LSMEM1: variants seen among roughly 807,000 people sequenced by gnomAD.
The protein encoded by LSMEM1 is leucine-rich single-pass membrane protein 1.
In LSMEM1, 10 loss-of-function variants were observed where a neutral mutation model predicts 11.3. The observed-to-expected ratio is 0.89, with a 90% CI of 0.55 to 1.50. The LOEUF is 1.50. LSMEM1 is among the 40% of genes most tolerant of loss of function. The pLI is 0.00. For synonymous variants in LSMEM1, 65 were observed against 59.3 expected, an observed-to-expected ratio of 1.10 and a Z score of -0.44; for missense variants, 151 against 152.9, an observed-to-expected ratio of 0.99 and a Z score of 0.06.
intron 1 of LSMEM1, among the ~76,000 whole-genome samples, chr7:112,482,961 A>G (rs546983125): frequency 1.3e-5 from 2 of 152,298 alleles, no homozygotes; most frequent in African/African-American, 4.8e-5. Context: ...AAAAATTTTT[A>G]GTCCATGACT....
rs530350952 is a variant in LSMEM1, at chr7:112,490,174, A to G, written c.*225A>G. ...GGTGAACTTGTCTCAGCCCCCTTTTATGGTAGGGCACTTCAACTTTAATGG... is the reference window on the plus strand; with the variant it reads ...GGTGAACTTGTCTCAGCCCCCTTTTGTGGTAGGGCACTTCAACTTTAATGG... On this transcript the variant is annotated 3_prime_UTR_variant, in exon 4 of 4. Coordinates refer to ENST00000312849, the MANE Select transcript of LSMEM1 (RefSeq NM_182597.3). The G allele has an allele frequency of 6.9e-4, 304 of 439,928 alleles. 1 individual carries two copies. The highest frequency in any genetic ancestry group is 5.5e-3 in the African/African-American group (275 of 50,218). 27.3% of individuals were successfully genotyped at this position (439,928 alleles called of 1,614,324 possible).
In LSMEM1 at chr7:112,481,026, CAG is replaced by C. The variant is rs1238912952; in HGVS notation, c.-325_-324del. The C allele has an allele frequency of 8.2e-6, 3 of 365,780 alleles. No homozygotes were observed. The highest frequency in any genetic ancestry group is 1.6e-5 in the Non-Finnish European group (3 of 186,630). The allele number at this position is 365,780 out of a possible 1,614,324, so 22.7% of individuals were successfully genotyped here. On this transcript the variant is annotated 5_prime_UTR_variant, in exon 1 of 4. Coordinates refer to ENST00000312849, the MANE Select transcript of LSMEM1 (RefSeq NM_182597.3). Reference sequence around the variant, plus strand: ...AAACCTCATCAGTTACCAACTAAATCAGGGCATGGTGTTTTTTTGTTGTTTTC... The same window carrying C: ...AAACCTCATCAGTTACCAACTAAATCGGCATGGTGTTTTTTTGTTGTTTTC...
chr7:112,482,864 C>T (rs1412382922), intron 1 of LSMEM1, among the ~76,000 whole-genome samples: 1 of 151,932 alleles, frequency 6.6e-6, no homozygotes, highest in Non-Finnish European at 1.5e-5. Flanking sequence ...ATGGTAGTAT[C>T]TTATCTGAAA....
At chr7:112,485,031 T>TGGGGGGGGGG in intron 2 of LSMEM1, 88 bp downstream of exon 2, 2 of 1,199,586 alleles carry the variant, frequency 1.7e-6, no homozygotes, top group Non-Finnish European at 2.3e-6. Context: ...GTGGGTGTGG[T>TGGGGGGGGGG]GGAGGGGGAG....
rs1796222283 is a variant in LSMEM1, at chr7:112,490,841, C to T, written c.*892C>T. 6.6e-6 allele frequency: 1 copy of T among 152,192 alleles called. No individual in the cohort carries two copies. Among genetic ancestry groups the T allele is most frequent in the African/African-American group, 2.4e-5 (1 of 41,510 alleles). The allele number at this position is 152,192 out of a possible 1,614,324, so 9.4% of individuals were successfully genotyped here. A position where few individuals can be genotyped will look rare whatever the true frequency, so the allele number is the denominator to read the frequency against. On this transcript the variant is annotated 3_prime_UTR_variant, in exon 4 of 4. Coordinates refer to ENST00000312849, the MANE Select transcript of LSMEM1 (RefSeq NM_182597.3). ...GTTCCAGCAATGAAAGTAAGACACA[C>T]AGCATATGACATAAGACACAGTGTG...
chr7:112,487,169 C>A, intron 3 of LSMEM1, 118 bp downstream of exon 3: 2 of 1,046,396 alleles, frequency 1.9e-6, no homozygotes, highest in Non-Finnish European at 2.7e-6. Context: ...TCAATGCTTA[C>A]ATTGAAAAAA....
In LSMEM1 at chr7:112,481,107, A is replaced by T. The variant is rs1394330753; in HGVS notation, c.-245A>T. 3.0e-6 allele frequency: 1 copy of T among 328,118 alleles called. No individual in the cohort carries two copies. The highest frequency in any genetic ancestry group is 2.2e-5 in the African/African-American group (1 of 45,608). The allele number at this position is 328,118 out of a possible 1,614,324, so 20.3% of individuals were successfully genotyped here. On this transcript the variant is annotated 5_prime_UTR_variant, in exon 1 of 4. Coordinates refer to ENST00000312849, the MANE Select transcript of LSMEM1 (RefSeq NM_182597.3). ...TTACTAAAAACCTTAGACATTATGA[A>T]AAAAGTCAGGATTTGGAATCTTACA... is the stretch of plus-strand genomic sequence containing the variant.
chr7:112,489,208 T>C (rs1468483668), intron 3 of LSMEM1, among the ~76,000 whole-genome samples: 1 of 152,238 alleles, frequency 6.6e-6, no homozygotes, highest in Non-Finnish European at 1.5e-5. Context: ...AAGTTTATTA[T>C]CTTAAATCCT....
At chr7:112,485,031 T>TGGGGGTGGGGG in intron 2 of LSMEM1, 88 bp downstream of exon 2, 1 of 1,199,580 alleles carries the variant, frequency 8.3e-7, no homozygotes, top group Non-Finnish European at 1.1e-6. Context: ...GTGGGTGTGG[T>TGGGGGTGGGGG]GGAGGGGGAG....
chr7:112,485,879 T>C (rs756209232), intron 2 of LSMEM1, among the ~76,000 whole-genome samples: 1 of 151,576 alleles, frequency 6.6e-6, no homozygotes, highest in Non-Finnish European at 1.5e-5. Context: ...TCCAGTGATC[T>C]CCACTACCCC....
At chr7:112,484,758 A>T in intron 1 of LSMEM1, 54 bp from the exon 2 acceptor site, 1 of 1,580,948 alleles carries the variant, frequency 6.3e-7, no homozygotes, top group Non-Finnish European at 8.6e-7. Flanking sequence ...GGTTCTTGTG[A>T]AGTTGAGTTC....
At chr7:112,489,465 G>A (rs763947236) in intron 3 of LSMEM1, among the ~76,000 whole-genome samples, 1 of 152,186 alleles carries the variant, frequency 6.6e-6, no homozygotes, top group African/African-American at 2.4e-5. Context: ...TTCTGAGAAT[G>A]GGTCTCAAAA....
At chr7:112,485,401 TG>T (rs1415251894) in intron 2 of LSMEM1, among the ~76,000 whole-genome samples, 2 of 151,506 alleles carry the variant, frequency 1.3e-5, no homozygotes, top group Admixed American at 6.6e-5. Flanking sequence ...AGAAAGGGGG[TG>T]GGGGGAGCAA....
chr7:112,482,276 GT>G (rs1050940279), intron 1 of LSMEM1, among the ~76,000 whole-genome samples: 1 of 152,030 alleles, frequency 6.6e-6, no homozygotes. Flanking sequence ...TGTTGTCTTA[GT>G]TTTTTTTGGA....
chr7:112,484,711 G>C, intron 1 of LSMEM1, 101 bp from the exon 2 acceptor site: 1 of 1,186,704 alleles, frequency 8.4e-7, no homozygotes, highest in East Asian at 2.6e-5. Context: ...ATTTGTGGGT[G>C]GTTCTTCATA....
chr7:112,487,099 C>T, intron 3 of LSMEM1, 48 bp downstream of exon 3: 1 of 1,597,136 alleles, frequency 6.3e-7, no homozygotes, highest in Non-Finnish European at 8.5e-7. Context: ...TGCATTTATT[C>T]ATAGCTGGTT....
upstream of LSMEM1, chr7:112,480,860 G>T (rs1259452430): frequency 1.1e-5 from 5 of 456,110 alleles, no homozygotes; most frequent in Non-Finnish European, 1.8e-5. Flanking sequence ...TGGAGTGTTT[G>T]CAAGTCAGTC....
intron 1 of LSMEM1, among the ~76,000 whole-genome samples, chr7:112,484,535 A>G (rs1438735641): frequency 6.6e-6 from 1 of 152,254 alleles, no homozygotes; most frequent in Non-Finnish European, 1.5e-5. Context: ...GAGTGTTTGC[A>G]GATAAGCAGG....
chr7:112,481,534 A>G (rs750184488), intron 1 of LSMEM1, among the ~76,000 whole-genome samples, 188 bp downstream of exon 1: 13 of 152,192 alleles, frequency 8.5e-5, no homozygotes, highest in Non-Finnish European at 1.6e-4. Context: ...AATTACCATG[A>G]CTCATTCAAT....
Sources: gnomAD v4.1 joint callset for allele counts (sites outside exome capture counted in the v4.1 genomes callset) on GRCh38, gnomAD v4.1.1 for gene constraint, MANE v1.5 for transcripts, NCBI Gene and HGNC (gene_info 2026-07-23, HGNC 2026-07-21) for gene names.